Variants in AKT2 observed in about 807,000 individuals in gnomAD.
AKT2 encodes the protein AKT serine/threonine kinase 2.
AKT2 carries 16 observed loss-of-function variants against 58.6 expected under a neutral mutation model. That is an observed-to-expected ratio of 0.27 (90% confidence interval 0.18 to 0.41). The LOEUF is 0.41. Ranked by LOEUF, AKT2 falls within the 10% of genes least tolerant of loss-of-function variation. AKT2 has a pLI of 1.00. For missense variants in AKT2, 438 were observed against 661.0 expected, an observed-to-expected ratio of 0.66 and a Z score of 3.70; for synonymous variants, 253 against 254.0, an observed-to-expected ratio of 1.00 and a Z score of 0.04.
In AKT2 at chr19:40,242,305, C is replaced by A; in HGVS notation, c.441+229G>T. ...TGACGTGGGGGTAGCCAGGTCTTCACCAACTCCCAGGACGAACCTGCAGTG... is the reference window on the plus strand; with the variant it reads ...TGACGTGGGGGTAGCCAGGTCTTCAACAACTCCCAGGACGAACCTGCAGTG... On this transcript the variant is annotated intron_variant, in intron 5 of 13. Transcript: ENST00000392038. This position sits in a 1 kb window ranked among gnomAD's most constrained non-coding sequence, Gnocchi z 4.3. 1.2e-6 allele frequency: 1 copy of A among 867,908 alleles called. No homozygotes were observed. The highest frequency in any genetic ancestry group is 1.8e-6 in the Non-Finnish European group (1 of 557,302). The allele number at this position is 867,908 out of a possible 1,614,324, so 53.8% of individuals were successfully genotyped here.
chr19:40,281,830 G>A (rs1309626361), intron 1 of AKT2, among the ~76,000 whole-genome samples: 1 of 152,248 alleles, frequency 6.6e-6, no homozygotes, highest in Non-Finnish European at 1.5e-5. Context: ...TTAGTGAGGA[G>A]ACATTTCCGG....
rs547081610 is a variant in AKT2, at chr19:40,230,344, GACTGCTGGTAGCACCAAACGA to G, written c.*3507_*3527del. The G allele has an allele frequency of 7.0e-5, 15 of 214,572 alleles. No homozygotes were observed. The South Asian group carries it at 2.6e-3, about 37-fold the overall frequency. 13.3% of individuals were successfully genotyped at this position (214,572 alleles called of 1,614,324 possible). On this transcript the variant is annotated 3_prime_UTR_variant, in exon 14 of 14. Coordinates refer to ENST00000392038, the MANE Select transcript of AKT2 (RefSeq NM_001626.6). ...CAGATGGATAGCTAGTTTATTACAG[GACTGCTGGTAGCACCAAACGA>G]AACCAAGTCAATTCCTGTTAACGGG...
intron 6 of AKT2, 124 bp from the exon 7 acceptor site, chr19:40,240,234 CA>C: frequency 9.3e-7 from 1 of 1,078,364 alleles, no homozygotes. Flanking sequence ...CAGAAAATCA[CA>C]GGAGTGAAAA....
chr19:40,233,408 G>A lies in AKT2; in HGVS notation c.*464C>T. The A allele has an allele frequency of 4.3e-6, 2 of 466,714 alleles. No individual in the cohort carries two copies. The highest frequency in any genetic ancestry group is 8.5e-4 in the Middle Eastern group (2 of 2,340). 28.9% of individuals were successfully genotyped at this position (466,714 alleles called of 1,614,324 possible). On this transcript the variant is annotated 3_prime_UTR_variant, in exon 14 of 14. Coordinates refer to ENST00000392038, the MANE Select transcript of AKT2 (RefSeq NM_001626.6). The surrounding 1 kb of genome is among the most constrained non-coding windows in gnomAD (Gnocchi z 4.3). ...GGGGGATTGGACCGCCCCGTGCCTG[G>A]CCACTCCGAGCCTAGGCCACGGGGC...
chr19:40,264,729 C>A (rs1216740684), intron 2 of AKT2, among the ~76,000 whole-genome samples: 1 of 151,656 alleles, frequency 6.6e-6, no homozygotes, highest in Admixed American at 6.6e-5. Flanking sequence ...CCGCCCCCAG[C>A]CCATTGTCCC....
Position 40,234,866 on chromosome 19 carries a change from G to A in AKT2, c.1366+179C>T, listed in dbSNP as rs1032896339. On this transcript the variant is annotated intron_variant, in intron 13 of 13. Transcript: ENST00000392038. This position sits in a 1 kb window ranked among gnomAD's most constrained non-coding sequence, Gnocchi z 4.7. ...AACGTGCTGCAGTCAATGGCTCCTGGTGGCCTCACCAGGTCCAAAGAGGAC... is the reference window on the plus strand; with the variant it reads ...AACGTGCTGCAGTCAATGGCTCCTGATGGCCTCACCAGGTCCAAAGAGGAC... 1.4e-6 allele frequency: 1 copy of A among 701,244 alleles called. No individual in the cohort carries two copies. The highest frequency in any genetic ancestry group is 2.7e-5 in the East Asian group (1 of 37,138). 43.4% of individuals were successfully genotyped at this position (701,244 alleles called of 1,614,324 possible).
chr19:40,275,384 G>A (rs780436069), intron 1 of AKT2: 2 of 450,754 alleles, frequency 4.4e-6, no homozygotes, highest in South Asian at 3.1e-5. Context: ...GTGGCAAAAG[G>A]AGAAACCAGT....
At chr19:40,236,546 G>A in intron 9 of AKT2, 161 bp from the exon 10 acceptor site, 2 of 968,376 alleles carry the variant, frequency 2.1e-6, no homozygotes, top group East Asian at 2.6e-5. Flanking sequence ...CTCAGAGAGA[G>A]GCCAGATCCA....
rs1233225051 is a variant in AKT2, at chr19:40,237,927, G to A, written c.831+42C>T. 1 of 1,609,896 alleles carries A rather than the reference G, an allele frequency of 6.2e-7. No homozygotes were observed. The highest frequency in any genetic ancestry group is 8.5e-7 in the Non-Finnish European group (1 of 1,178,802). On this transcript the variant is annotated intron_variant, in intron 9 of 13. Coordinates refer to ENST00000392038, the MANE Select transcript of AKT2 (RefSeq NM_001626.6). This position sits in a 1 kb window ranked among gnomAD's most constrained non-coding sequence, Gnocchi z 4.5. ...TTCCCCAGTGTGAGTCCCATGTGGT[G>A]TGCATGCCACAGGTCAGCCTGGCGC... is the stretch of plus-strand genomic sequence containing the variant.
intron 2 of AKT2, among the ~76,000 whole-genome samples, chr19:40,260,492 T>C (rs1975857147): frequency 6.6e-6 from 1 of 151,490 alleles, no homozygotes; most frequent in African/African-American, 2.4e-5. Flanking sequence ...TAGCCAGGCA[T>C]GGTGGCGCAC....
intron 7 of AKT2, 87 bp downstream of exon 7, chr19:40,239,958 T>C: frequency 6.6e-7 from 1 of 1,510,094 alleles, no homozygotes; most frequent in African/African-American, 1.4e-5. Context: ...CCCAAGACTG[T>C]GCTTTGTACC....
chr19:40,277,156 G>A (rs1323111000), intron 1 of AKT2, among the ~76,000 whole-genome samples: 1 of 152,180 alleles, frequency 6.6e-6, no homozygotes, highest in Non-Finnish European at 1.5e-5. Flanking sequence ...TTACATAAAG[G>A]ACTCTGACAT....
chr19:40,247,529 A>G (rs1251748459), intron 4 of AKT2, among the ~76,000 whole-genome samples: 1 of 152,132 alleles, frequency 6.6e-6, no homozygotes, highest in Non-Finnish European at 1.5e-5. Flanking sequence ...GCTACACGAG[A>G]CTCAGGAGGG....
chr19:40,278,815 G>A (rs1296010988), intron 1 of AKT2, among the ~76,000 whole-genome samples: 3 of 151,958 alleles, frequency 2.0e-5, no homozygotes, highest in Non-Finnish European at 2.9e-5. Context: ...TCAGCAGGAA[G>A]GTTCCCGTTT....
chr19:40,277,569 C>T (rs1414237821), intron 1 of AKT2, among the ~76,000 whole-genome samples: 2 of 152,186 alleles, frequency 1.3e-5, no homozygotes, highest in African/African-American at 4.8e-5. Context: ...ACCCTGCTCT[C>T]TCCCCCTCAC....
chr19:40,234,589 T>G lies in AKT2; in HGVS notation c.1366+456A>C. The G allele has an allele frequency of 2.4e-6, 1 of 413,064 alleles. No individual in the cohort carries two copies. Among genetic ancestry groups the G allele is most frequent in the East Asian group, 3.8e-5 (1 of 26,472 alleles). 25.6% of individuals were successfully genotyped at this position (413,064 alleles called of 1,614,324 possible). Reference sequence around the variant, plus strand: ...CTCCCTAACTGCAGGCCAGGTCGGATATTTCCTCTGGGATTCCCCAGTCCC... The same window carrying G: ...CTCCCTAACTGCAGGCCAGGTCGGAGATTTCCTCTGGGATTCCCCAGTCCC... On this transcript the variant is annotated intron_variant, in intron 13 of 13. Transcript: ENST00000392038. This position sits in a 1 kb window ranked among gnomAD's most constrained non-coding sequence, Gnocchi z 4.7.
intron 4 of AKT2, chr19:40,243,285 C>A (rs1409792011): frequency 1.9e-5 from 3 of 156,582 alleles, no homozygotes; most frequent in Admixed American, 1.8e-4. Context: ...AAATGAGCCA[C>A]CACCCTGAGC....
chr19:40,238,525 C>T lies in AKT2; in HGVS notation c.708+380G>A, dbSNP rs755548406. Among the ~76,000 whole-genome samples, 1 of 152,166 alleles carries T rather than the reference C, an allele frequency of 6.6e-6. No homozygotes were observed. The highest frequency in any genetic ancestry group is 1.5e-5 in the Non-Finnish European group (1 of 68,028). On this transcript the variant is annotated intron_variant, in intron 8 of 13. Transcript: ENST00000392038. The surrounding 1 kb of genome is among the most constrained non-coding windows in gnomAD (Gnocchi z 5.1). Reference sequence around the variant, plus strand: ...GGCGACTCTGTAAGGGGAAGCTGAGCGGCTGCGGGAATTCACTTCGAGAGG... The same window carrying T: ...GGCGACTCTGTAAGGGGAAGCTGAGTGGCTGCGGGAATTCACTTCGAGAGG...
chr19:40,283,709 G>T (rs1053222073), intron 1 of AKT2, among the ~76,000 whole-genome samples: 3 of 152,184 alleles, frequency 2.0e-5, no homozygotes, highest in African/African-American at 7.2e-5. Context: ...CCAGCCCACA[G>T]ACCACAATAA....
Sources: gnomAD v4.1 joint callset for allele counts (sites outside exome capture counted in the v4.1 genomes callset) on GRCh38, gnomAD v4.1.1 for gene constraint, Gnocchi (gnomAD v3.1) non-coding constraint, MANE v1.5 for transcripts, NCBI Gene and HGNC (gene_info 2026-07-23, HGNC 2026-07-21) for gene names.